SDS: variants seen among roughly 807,000 people sequenced by gnomAD.
The protein encoded by SDS is serine dehydratase.
SDS carries 19 observed loss-of-function variants against 29.3 expected under a neutral mutation model. The observed-to-expected ratio is 0.65, with a 90% CI of 0.45 to 0.95. The LOEUF is 0.95. SDS is among the 40% of genes least tolerant of loss of function. The pLI is 0.00. For synonymous variants in SDS, 176 were observed against 189.0 expected (o/e 0.93, Z 0.56); for missense variants, 375 against 439.9 (o/e 0.85, Z 1.32).
At position 113,393,739 on chromosome 12, in the gene SDS, A is replaced by G. The variant is rs1957626155; in HGVS notation, c.778+153T>C. Among the ~76,000 whole-genome samples the G allele has an allele frequency of 2.0e-5, 3 of 152,166 alleles. No homozygotes were observed. The South Asian group carries it at 6.2e-4, about 32-fold the overall frequency. ...CTTTTCTATTTCTACACGGCATTGTATTATCTTCTATTAATGGAAAATTCT... is the reference window on the plus strand; with the variant it reads ...CTTTTCTATTTCTACACGGCATTGTGTTATCTTCTATTAATGGAAAATTCT... On this transcript the variant is annotated intron_variant, in intron 7 of 7. Transcript: ENST00000257549.
At chr12:113,402,774 G>A (rs865988881) in intron 1 of SDS, among the ~76,000 whole-genome samples, 1 of 152,180 alleles carries the variant, frequency 6.6e-6, no homozygotes, top group Non-Finnish European at 1.5e-5. Flanking sequence ...CCTCTGCCGC[G>A]GCTTTCCGTG....
chr12:113,394,797 G>A (rs1418761227), intron 6 of SDS, among the ~76,000 whole-genome samples: 1 of 152,092 alleles, frequency 6.6e-6, no homozygotes, highest in Admixed American at 6.6e-5. Flanking sequence ...CCGCTACCTG[G>A]TTAACCCTCA....
chr12:113,399,438 G>T, intron 2 of SDS, 118 bp downstream of exon 2: 1 of 1,233,872 alleles, frequency 8.1e-7, no homozygotes, highest in Non-Finnish European at 1.1e-6. Context: ...CTCAGTCCTT[G>T]CGGGGAGTCA....
chr12:113,393,293 C>T (rs927082672), intron 7 of SDS, 144 bp from the exon 8 acceptor site: 1 of 795,766 alleles, frequency 1.3e-6, no homozygotes, highest in Non-Finnish European at 2.1e-6. Flanking sequence ...CCAAACGTCC[C>T]GTCATCGGCC....
In SDS at chr12:113,398,508, C is replaced by T. The variant is rs571897025; in HGVS notation, c.425+7G>A. ...ACCCCCACCAAGTGACCTTGAACTC[C>T]ACATACCAGATGAGGGGGTCATCAA... is the stretch of plus-strand genomic sequence containing the variant. On this transcript the variant is annotated splice_region_variant and intron_variant, in intron 5 of 7. Coordinates refer to ENST00000257549, the MANE Select transcript of SDS (RefSeq NM_006843.3). The T allele has an allele frequency of 7.6e-6, 12 of 1,582,798 alleles. No individual in the cohort carries two copies. The East Asian group carries it at 1.1e-4, about 15-fold the overall frequency.
intron 6 of SDS, chr12:113,396,729 G>C (rs1184663028): frequency 5.3e-6 from 1 of 186,916 alleles, no homozygotes; most frequent in African/African-American, 2.3e-5. Flanking sequence ...TCAGTCTCCT[G>C]GGCTTAAGCA....
Position 113,398,778 on chromosome 12 carries a change from GC to G in SDS, c.261del (p.Ser89AlafsTer35). On this transcript the variant is annotated frameshift_variant, in exon 4 of 8. Transcript: ENST00000257549. LOFTEE classifies it high-confidence loss of function. ...RQLGVPATIV[V>X]PSTTPALTIE... ...ATGGTGAGAGCAGGTGTGGTGCTGGGCACCACGATGGTGGCGGGGACGCCGA... is the reference window on the plus strand; with the variant it reads ...ATGGTGAGAGCAGGTGTGGTGCTGGGACCACGATGGTGGCGGGGACGCCGA... 1 of 1,614,140 alleles carries G rather than the reference GC, an allele frequency of 6.2e-7. No individual in the cohort carries two copies. The highest frequency in any genetic ancestry group is 8.5e-7 in the Non-Finnish European group (1 of 1,180,008).
Position 113,398,602 on chromosome 12 carries a change from A to C in SDS, c.338T>G (p.Leu113Trp), listed in dbSNP as rs771238809. 1.3e-6 allele frequency: 2 copies of C among 1,595,366 alleles called. No homozygotes were observed. Among genetic ancestry groups the C allele is most frequent in the South Asian group, 2.2e-5 (2 of 89,710 alleles). Reference protein sequence around the residue: ...GATVKVVGELLDEAFELAKAL... With the variant: ...GATVKVVGELWDEAFELAKAL... Reference sequence around the variant, plus strand: ...CTTGGCCAGCTCGAAGGCTTCATCCAATAACTGCAAAGCCACAGGGGAGAT... The same window carrying C: ...CTTGGCCAGCTCGAAGGCTTCATCCCATAACTGCAAAGCCACAGGGGAGAT... Residue 113 changes from leucine to tryptophan, a missense_variant, in exon 5 of 8, where the codon TTG (leucine) becomes TGG (tryptophan). Leu to Trp is a moderately conservative substitution (Grantham distance 61). Transcript: ENST00000257549.
At chr12:113,394,327 TTTTTGTTG>T (rs1957631835) in intron 6 of SDS, among the ~76,000 whole-genome samples, 2 of 147,450 alleles carry the variant, frequency 1.4e-5, no homozygotes, top group Non-Finnish European at 3.0e-5. Flanking sequence ...TTTGTTTGTT[TTTTTGTTG>T]TTTTTTTGTT....
At position 113,397,135 on chromosome 12, in the gene SDS, A is replaced by T. The variant is rs764766406; in HGVS notation, c.653+30T>A. The T allele has an allele frequency of 3.8e-6, 6 of 1,593,680 alleles. No individual in the cohort carries two copies. The South Asian group carries it at 5.5e-5, about 15-fold the overall frequency. On this transcript the variant is annotated intron_variant, in intron 6 of 7. Coordinates refer to ENST00000257549, the MANE Select transcript of SDS (RefSeq NM_006843.3). The stretch of plus-strand genomic sequence containing the variant: ...AGGGGGACTCCCCAGTGCTTGCTGG[A>T]CACCCGAGGGAGGCACCCCAGCTGC...
In SDS at chr12:113,398,505, C is replaced by G; in HGVS notation, c.425+10G>C. 6.4e-7 allele frequency: 1 copy of G among 1,571,590 alleles called. No homozygotes were observed. Among genetic ancestry groups the G allele is most frequent in the Admixed American group, 2.0e-5 (1 of 50,294 alleles). On this transcript the variant is annotated intron_variant, in intron 5 of 7. Coordinates refer to ENST00000257549, the MANE Select transcript of SDS (RefSeq NM_006843.3). ...GCCACCCCCACCAAGTGACCTTGAA[C>G]TCCACATACCAGATGAGGGGGTCAT... is the stretch of plus-strand genomic sequence containing the variant.
intron 6 of SDS, among the ~76,000 whole-genome samples, chr12:113,396,376 CTCTT>C (rs1957644035): frequency 7.0e-6 from 1 of 142,186 alleles, no homozygotes; most frequent in African/African-American, 2.6e-5. Flanking sequence ...TTCTCTTTCT[CTCTT>C]TTTCTTTCTT....
At chr12:113,398,433 T>A in intron 5 of SDS, 82 bp downstream of exon 5, 7 of 856,768 alleles carry the variant, frequency 8.2e-6, no homozygotes, top group Admixed American at 6.8e-5. Context: ...GAGGACGTGA[T>A]GATGTGCATC....
chr12:113,397,041 C>G, intron 6 of SDS, 124 bp downstream of exon 6: 1 of 888,934 alleles, frequency 1.1e-6, no homozygotes, highest in Non-Finnish European at 1.8e-6. Context: ...CCTGGGCAAG[C>G]GATCAAAGCC....
chr12:113,396,795 T>A (rs970524514), intron 6 of SDS: 14 of 253,934 alleles, frequency 5.5e-5, no homozygotes, highest in African/African-American at 8.9e-5. Flanking sequence ...CCAGTTAATT[T>A]AAAAAAAAAA....
chr12:113,399,983 C>T (rs1020452392), intron 1 of SDS, among the ~76,000 whole-genome samples: 1 of 152,160 alleles, frequency 6.6e-6, no homozygotes, highest in East Asian at 1.9e-4. Flanking sequence ...AACACTCAAA[C>T]CTTGGAGCTT....
intron 1 of SDS, among the ~76,000 whole-genome samples, chr12:113,402,214 G>T (rs1957687934): frequency 6.6e-6 from 1 of 152,160 alleles, no homozygotes; most frequent in East Asian, 1.9e-4. Context: ...AGAGACTGGG[G>T]CAAACTTCAA....
chr12:113,392,891 T>A lies in SDS; in HGVS notation c.*50A>T. ...AGGCGCTGGATAAAACTCCAGCCCC[T>A]CCAGGGGTCTCTTGGGCTAGGAGAG... On this transcript the variant is annotated 3_prime_UTR_variant, in exon 8 of 8. Transcript: ENST00000257549. 1 of 1,561,496 alleles carries A rather than the reference T, an allele frequency of 6.4e-7. No individual in the cohort carries two copies. Among genetic ancestry groups the A allele is most frequent in the South Asian group, 1.1e-5 (1 of 88,784 alleles).
Position 113,397,400 on chromosome 12 carries a change from G to T in SDS, c.426-8C>A. ...ATGGAAGCGTGGCCTTCCCTGGAGG[G>T]TGGGGAGAGGGGGTGGCAGGTCAGG... On this transcript the variant is annotated splice_region_variant and splice_polypyrimidine_tract_variant and intron_variant, in intron 5 of 7. Coordinates refer to ENST00000257549, the MANE Select transcript of SDS (RefSeq NM_006843.3). The T allele has an allele frequency of 6.3e-7, 1 of 1,595,990 alleles. No individual in the cohort carries two copies. Among genetic ancestry groups the T allele is most frequent in the South Asian group, 1.1e-5 (1 of 89,348 alleles).
Sources: gnomAD v4.1 joint callset for allele counts (sites outside exome capture counted in the v4.1 genomes callset) on GRCh38, gnomAD v4.1.1 for gene constraint, MANE v1.5 for transcripts, NCBI Gene and HGNC (gene_info 2026-07-23, HGNC 2026-07-21) for gene names.